Variants in LHFPL3 observed in about 807,000 individuals in gnomAD.
LHFPL3 encodes the protein LHFPL tetraspan subfamily member 3 protein.
A neutral mutation model predicts 19.3 loss-of-function variants in LHFPL3; 5 were observed. The ratio of observed to expected loss-of-function variants is 0.26; its 90% CI spans 0.14 to 0.54. LHFPL3 has a LOEUF of 0.54. Ranked by LOEUF, LHFPL3 falls within the 20% of genes least tolerant of loss-of-function variation. The pLI is 0.94. For synonymous variants in LHFPL3, 133 were observed against 126.2 expected, an observed-to-expected ratio of 1.05 and a Z score of -0.36; for missense variants, 249 against 307.4, an observed-to-expected ratio of 0.81 and a Z score of 1.42.
chr7:104,561,633 T>C lies in LHFPL3; in HGVS notation c.446-175042T>C, dbSNP rs547449791. On this transcript the variant is annotated intron_variant, in intron 1 of 2. Coordinates refer to ENST00000424859, the MANE Select transcript of LHFPL3 (RefSeq NM_199000.3). ...CACACTGATGGGTCTTGACTTGTTA[T>C]CCAATTTGCCAGTCTGTGTCTTTTA... 7.3e-3 allele frequency among the ~76,000 whole-genome samples: 1,118 copies of C among 152,334 alleles called. 11 individuals are homozygous for C. The highest frequency in any genetic ancestry group is 7.6e-3 in the Non-Finnish European group (515 of 68,036).
chr7:104,565,767 CTAT>C lies in LHFPL3; in HGVS notation c.446-170907_446-170905del, dbSNP rs1163786624. On this transcript the variant is annotated intron_variant, in intron 1 of 2. Transcript: ENST00000424859. ...TCTATCTATCTATCTATCTATCTATCTATCTAATCTATCTATCTGTCTAATCTA... is the reference window on the plus strand; with the variant it reads ...TCTATCTATCTATCTATCTATCTATCCTAATCTATCTATCTGTCTAATCTA... Among the ~76,000 whole-genome samples, 3 of 143,044 alleles carry C rather than the reference CTAT, an allele frequency of 2.1e-5. No homozygotes were observed. In the East Asian group the frequency reaches 6.2e-4, roughly 29 times the overall value. The allele number at this position is 143,044 out of a possible 152,430, so 93.8% of individuals were successfully genotyped here.
intron 1 of LHFPL3, among the ~76,000 whole-genome samples, chr7:104,480,898 T>C (rs1793122089): frequency 6.6e-6 from 1 of 152,190 alleles, no homozygotes; most frequent in Middle Eastern, 3.2e-3. Flanking sequence ...CTGATGTATT[T>C]AGCGAACAGT....
At chr7:104,653,755 T>C (rs1004623978) in intron 1 of LHFPL3, among the ~76,000 whole-genome samples, 1 of 152,190 alleles carries the variant, frequency 6.6e-6, no homozygotes, top group African/African-American at 2.4e-5. Flanking sequence ...GCAGGGACTT[T>C]TTCATGATGT....
At chr7:104,819,377 GA>G (rs34477587) in intron 2 of LHFPL3, among the ~76,000 whole-genome samples, 13,524 of 125,818 alleles carry the variant, frequency 0.11, 1,221 homozygotes, top group East Asian at 0.45. Context: ...TTTAGATCTG[GA>G]AAAAAAAAAA....
chr7:104,697,044 T>C (rs990967793), intron 1 of LHFPL3, among the ~76,000 whole-genome samples: 1 of 152,200 alleles, frequency 6.6e-6, no homozygotes, highest in Admixed American at 6.5e-5. Context: ...CTTGTGTCCT[T>C]ACATGGTGGA....
intron 1 of LHFPL3, among the ~76,000 whole-genome samples, chr7:104,545,904 C>T (rs1407045390): frequency 6.6e-6 from 1 of 152,200 alleles, no homozygotes; most frequent in African/African-American, 2.4e-5. Flanking sequence ...AAGCATCTCT[C>T]TCTTCTGCAA....
intron 2 of LHFPL3, among the ~76,000 whole-genome samples, chr7:104,745,964 C>T (rs1794038774): frequency 6.6e-6 from 1 of 152,148 alleles, no homozygotes; most frequent in Admixed American, 6.5e-5. Flanking sequence ...TATTGAAATG[C>T]AGTGACAGAG....
intron 1 of LHFPL3, among the ~76,000 whole-genome samples, chr7:104,584,733 C>A (rs1584418127): frequency 2.0e-5 from 3 of 152,222 alleles, no homozygotes; most frequent in South Asian, 4.1e-4. Flanking sequence ...CATAGTGCCA[C>A]TTCAAGGAAG....
At chr7:104,810,583 G>A (rs908228039) in intron 2 of LHFPL3, among the ~76,000 whole-genome samples, 1 of 152,144 alleles carries the variant, frequency 6.6e-6, no homozygotes, top group African/African-American at 2.4e-5. Context: ...GGATGTGGAG[G>A]GAAGTCAGGA....
At chr7:104,510,381 C>G (rs1215749242) in intron 1 of LHFPL3, among the ~76,000 whole-genome samples, 1 of 152,082 alleles carries the variant, frequency 6.6e-6, no homozygotes, top group Non-Finnish European at 1.5e-5. Context: ...GAGGGACAGA[C>G]ACACAGATCA....
In LHFPL3 at chr7:104,385,884, T is replaced by C. The variant is rs571693819; in HGVS notation, c.445+56660T>C. On this transcript the variant is annotated intron_variant, in intron 1 of 2. Coordinates refer to ENST00000424859, the MANE Select transcript of LHFPL3 (RefSeq NM_199000.3). ...CTGAAAAAAGAAAGCACTTCCAAAA[T>C]GGTGGAGAAAGGGCCTCCAATAATT... 2.7e-5 allele frequency among the ~76,000 whole-genome samples: 4 copies of C among 149,120 alleles called. No homozygotes were observed. In the East Asian group the frequency reaches 7.8e-4, roughly 29 times the overall value.
At chr7:104,471,221 A>G (rs1287982490) in intron 1 of LHFPL3, among the ~76,000 whole-genome samples, 1 of 152,210 alleles carries the variant, frequency 6.6e-6, no homozygotes, top group Non-Finnish European at 1.5e-5. Context: ...TCTAGAAGTC[A>G]TGAATGATAC....
chr7:104,721,715 T>C (rs1793496360), intron 1 of LHFPL3, among the ~76,000 whole-genome samples: 1 of 152,046 alleles, frequency 6.6e-6, no homozygotes, highest in Non-Finnish European at 1.5e-5. Flanking sequence ...TGGAAAGGAA[T>C]GAGAAGTGGA....
chr7:104,399,378 C>G lies in LHFPL3; in HGVS notation c.445+70154C>G, dbSNP rs1791262878. Among the ~76,000 whole-genome samples the G allele has an allele frequency of 6.6e-6, 1 of 151,916 alleles. No homozygotes were observed. The highest frequency in any genetic ancestry group is 1.5e-5 in the Non-Finnish European group (1 of 67,976). On this transcript the variant is annotated intron_variant, in intron 1 of 2. Coordinates refer to ENST00000424859, the MANE Select transcript of LHFPL3 (RefSeq NM_199000.3). This position sits in a 1 kb window ranked among gnomAD's most constrained non-coding sequence, Gnocchi z 4.4. Reference sequence around the variant, plus strand: ...CTCTGATAATTTTTTTCCCATTTATCCTGTAACTGGATGGGATCAGAGTAA... The same window carrying G: ...CTCTGATAATTTTTTTCCCATTTATGCTGTAACTGGATGGGATCAGAGTAA...
At chr7:104,654,876 C>T (rs1175179889) in intron 1 of LHFPL3, among the ~76,000 whole-genome samples, 3 of 152,118 alleles carry the variant, frequency 2.0e-5, no homozygotes, top group Non-Finnish European at 2.9e-5. Context: ...CATGTACAAA[C>T]CAAGCCGACT....
chr7:104,450,341 A>G (rs1036641417), intron 1 of LHFPL3, among the ~76,000 whole-genome samples: 14 of 152,208 alleles, frequency 9.2e-5, no homozygotes, highest in Non-Finnish European at 1.8e-4. Flanking sequence ...TAGAAATGAA[A>G]AGGAAAACAT....
intron 1 of LHFPL3, among the ~76,000 whole-genome samples, chr7:104,702,984 T>C (rs1395192785): frequency 6.6e-6 from 1 of 152,226 alleles, no homozygotes; most frequent in Non-Finnish European, 1.5e-5. Context: ...ATTATATCTC[T>C]TTTCTGATAT....
intron 1 of LHFPL3, among the ~76,000 whole-genome samples, chr7:104,374,399 G>A (rs1445518709): frequency 6.6e-6 from 1 of 151,864 alleles, no homozygotes; most frequent in Non-Finnish European, 1.5e-5. Context: ...GCACCACCAC[G>A]CCCAACTAAT....
chr7:104,403,659 A>G (rs561184797), intron 1 of LHFPL3, among the ~76,000 whole-genome samples: 1 of 152,336 alleles, frequency 6.6e-6, no homozygotes, highest in African/African-American at 2.4e-5. Context: ...GAAAGATTAC[A>G]AAAAGAACTT....
Sources: gnomAD v4.1 joint callset for allele counts (sites outside exome capture counted in the v4.1 genomes callset) on GRCh38, gnomAD v4.1.1 for gene constraint, Gnocchi (gnomAD v3.1) non-coding constraint, MANE v1.5 for transcripts, NCBI Gene and HGNC (gene_info 2026-07-23, HGNC 2026-07-21) for gene names.